TEC: variants seen among roughly 807,000 people sequenced by gnomAD.
The protein encoded by TEC is tec protein tyrosine kinase.
In TEC, 72 loss-of-function variants were observed where a neutral mutation model predicts 93.0. The observed-to-expected ratio is 0.77, with a 90% CI of 0.64 to 0.94. The LOEUF is 0.94. Among genes scored for constraint, TEC ranks in the 40% least tolerant of loss-of-function variants. The probability of loss-of-function intolerance (pLI) is 0.00; values close to 1 mark genes in which losing one functional copy is unlikely to be tolerated. For synonymous variants in TEC, 249 were observed against 247.7 expected (o/e 1.01, Z -0.05); for missense variants, 630 against 757.9 (o/e 0.83, Z 1.98).
chr4:48,188,449 T>C (rs1721971020), intron 2 of TEC, among the ~76,000 whole-genome samples: 1 of 152,296 alleles, frequency 6.6e-6, no homozygotes, highest in East Asian at 1.9e-4. Flanking sequence ...CTGAGGGTTT[T>C]TTCCTTTATA....
At position 48,203,677 on chromosome 4, in the gene TEC, C is replaced by CGGA. The variant is rs770087820; in HGVS notation, c.138+24797_138+24799dup. Among the ~76,000 whole-genome samples the CGGA allele has an allele frequency of 1.7e-3, 253 of 152,030 alleles. 1 individual carries two copies. The highest frequency in any genetic ancestry group is 2.6e-3 in the Non-Finnish European group (175 of 68,014). On this transcript the variant is annotated intron_variant, in intron 2 of 17. Transcript: ENST00000381501. Reference sequence around the variant, plus strand: ...GGAAATAAAGAACCAATATTTCCACCGGAGACACAAAGAGCAGGCCTCAGC... The same window carrying CGGA: ...GGAAATAAAGAACCAATATTTCCACCGGAGGAGACACAAAGAGCAGGCCTCAGC...
rs61380897 is a variant in TEC at position 48,174,663 on chromosome 4, G to GA, written c.243+1418dup. Reference sequence around the variant, plus strand: ...GACAAAGGAAGACTCCATCTCAAAGGAAAAAAAAAAAAAGAAGTGTGGTAG... The same window carrying GA: ...GACAAAGGAAGACTCCATCTCAAAGGAAAAAAAAAAAAAAGAAGTGTGGTAG... On this transcript the variant is annotated intron_variant, in intron 3 of 17. Transcript: ENST00000381501. Among the ~76,000 whole-genome samples, 291 of 141,888 alleles carry GA rather than the reference G, an allele frequency of 2.1e-3. 1 individual carries two copies. The highest frequency in any genetic ancestry group is 6.0e-3 in the African/African-American group (231 of 38,310). The allele number at this position is 141,888 out of a possible 152,430, so 93.1% of individuals were successfully genotyped here. A position where few individuals can be genotyped will look rare whatever the true frequency, so the allele number is the denominator to read the frequency against.
At chr4:48,218,350 T>C (rs2109622338) in intron 2 of TEC, among the ~76,000 whole-genome samples, 1 of 152,278 alleles carries the variant, frequency 6.6e-6, no homozygotes, top group Middle Eastern at 3.4e-3. Flanking sequence ...ATACAGAAGA[T>C]GGCTTGCTAT....
At chr4:48,139,292 G>A (rs182825661) in intron 15 of TEC, among the ~76,000 whole-genome samples, 232 of 152,278 alleles carry the variant, frequency 1.5e-3, no homozygotes, top group African/African-American at 4.9e-3. Flanking sequence ...AGGCAGTAGA[G>A]ACAAGGTATC....
chr4:48,162,448 A>T (rs1391078570), intron 8 of TEC, among the ~76,000 whole-genome samples: 1 of 152,240 alleles, frequency 6.6e-6, no homozygotes, highest in Non-Finnish European at 1.5e-5. Flanking sequence ...GATAAGGATT[A>T]TCTGGCTTCC....
intron 7 of TEC, 30 bp downstream of exon 7, chr4:48,167,748 G>T: frequency 6.2e-7 from 1 of 1,604,410 alleles, no homozygotes; most frequent in Non-Finnish European, 8.5e-7. Flanking sequence ...CCTACCCACT[G>T]CATATCACAC....
At chr4:48,247,503 G>A (rs1724092459) in intron 1 of TEC, among the ~76,000 whole-genome samples, 2 of 151,800 alleles carry the variant, frequency 1.3e-5, no homozygotes, top group African/African-American at 2.4e-5. Flanking sequence ...GCCAACTGAT[G>A]AATGAATAAA....
At chr4:48,265,098 G>C (rs1724598607) in intron 1 of TEC, among the ~76,000 whole-genome samples, 1 of 152,078 alleles carries the variant, frequency 6.6e-6, no homozygotes, top group East Asian at 1.9e-4. Flanking sequence ...AGGAAAAAAA[G>C]TTGCTCCAAA....
In TEC at chr4:48,168,586, C is replaced by G. The variant is rs1420726452; in HGVS notation, c.495G>C (p.Lys165Asn). The G allele has an allele frequency of 6.2e-7, 1 of 1,608,680 alleles. No homozygotes were observed. The highest frequency in any genetic ancestry group is 1.3e-5 in the African/African-American group (1 of 74,510). The change falls in exon 6 of 18, where the codon AAG becomes AAC. Residue 165 changes from lysine to asparagine, a missense_variant and splice_region_variant. Coordinates refer to ENST00000381501, the MANE Select transcript of TEC (RefSeq NM_003215.3). ...KALPPAPETK[K>N]RRPPPPIPLE... ...CTATCAAAAGCTAAAGACCACCTAC[C>G]TTCTTTGTTTCTGGTGCTGGAGGTA...
intron 8 of TEC, among the ~76,000 whole-genome samples, chr4:48,159,931 A>G (rs1052441546): frequency 9.2e-5 from 14 of 152,080 alleles, no homozygotes; most frequent in African/African-American, 2.9e-4. Context: ...ATCATGAGGG[A>G]GATCTCTACC....
At chr4:48,261,214 C>T (rs1724489746) in intron 1 of TEC, among the ~76,000 whole-genome samples, 1 of 152,150 alleles carries the variant, frequency 6.6e-6, no homozygotes, top group African/African-American at 2.4e-5. Flanking sequence ...CACTGACAAT[C>T]CTTAAAAAAA....
intron 2 of TEC, among the ~76,000 whole-genome samples, chr4:48,187,873 T>A (rs748033073): frequency 4.6e-5 from 7 of 152,254 alleles, no homozygotes; most frequent in Non-Finnish European, 1.0e-4. Context: ...CCAAAATTAA[T>A]AAATTCAATC....
chr4:48,144,662 T>A (rs1339674816), intron 14 of TEC, among the ~76,000 whole-genome samples: 1 of 152,196 alleles, frequency 6.6e-6, no homozygotes, highest in Non-Finnish European at 1.5e-5. Flanking sequence ...TAGTTTCTTT[T>A]TATAGTGTGT....
intron 2 of TEC, among the ~76,000 whole-genome samples, chr4:48,218,893 T>G (rs1723164381): frequency 6.6e-6 from 1 of 152,166 alleles, no homozygotes; most frequent in African/African-American, 2.4e-5. Flanking sequence ...GTTTCAAGCA[T>G]CTCGTAACAA....
At chr4:48,253,973 A>G (rs1724275452) in intron 1 of TEC, among the ~76,000 whole-genome samples, 1 of 151,966 alleles carries the variant, frequency 6.6e-6, no homozygotes, top group Admixed American at 6.6e-5. Context: ...TCATATCCCC[A>G]TGTATCTGCT....
chr4:48,217,632 C>G (rs1246341946), intron 2 of TEC, among the ~76,000 whole-genome samples: 1 of 152,124 alleles, frequency 6.6e-6, no homozygotes, highest in Admixed American at 6.5e-5. Context: ...CAAAGGACAG[C>G]ATTTCTTCCG....
intron 2 of TEC, among the ~76,000 whole-genome samples, chr4:48,222,444 G>T: frequency 6.6e-6 from 1 of 152,112 alleles, no homozygotes; most frequent in East Asian, 1.9e-4. Flanking sequence ...CAATAAGCCT[G>T]CAGTAGAGAA....
At chr4:48,266,432 G>C (rs1290369024) in intron 1 of TEC, among the ~76,000 whole-genome samples, 1 of 152,180 alleles carries the variant, frequency 6.6e-6, no homozygotes, top group East Asian at 1.9e-4. Context: ...AAACGAAATT[G>C]ACAAAATACC....
intron 2 of TEC, among the ~76,000 whole-genome samples, chr4:48,226,617 A>C (rs1723474586): frequency 6.6e-6 from 1 of 151,826 alleles, no homozygotes; most frequent in South Asian, 2.1e-4. Context: ...ACAGTATGTT[A>C]TATATATATA....
Sources: gnomAD v4.1 joint callset for allele counts (sites outside exome capture counted in the v4.1 genomes callset) on GRCh38, gnomAD v4.1.1 for gene constraint, MANE v1.5 for transcripts, NCBI Gene and HGNC (gene_info 2026-07-23, HGNC 2026-07-21) for gene names.